The following ILKAP variants were observed in gnomAD, a reference collection of about 807,000 sequenced individuals.
ILKAP encodes the protein ILK associated serine/threonine phosphatase, also known as integrin-linked kinase-associated serine/threonine phosphatase 2C.
Under a neutral mutation model 49.1 loss-of-function variants are expected in ILKAP, and 11 were observed. The observed-to-expected ratio is 0.22, with a 90% CI of 0.14 to 0.37. The LOEUF (loss-of-function observed/expected upper bound fraction) is 0.37, where lower values mean the gene tolerates loss of function less well. ILKAP is among the 10% of genes least tolerant of loss of function. The pLI, the probability that ILKAP is intolerant of heterozygous loss-of-function variation, is 1.00. For synonymous variants in ILKAP, 186 were observed against 192.8 expected, an observed-to-expected ratio of 0.96 and a Z score of 0.29; for missense variants, 363 against 510.8, an observed-to-expected ratio of 0.71 and a Z score of 2.79.
chr2:238,190,038 C>T, intron 3 of ILKAP, 66 bp from the exon 4 acceptor site: 1 of 1,562,630 alleles, frequency 6.4e-7, no homozygotes. Flanking sequence ...CACTAGTAGA[C>T]TGGGCTTCAT....
At chr2:238,194,780 AC>A (rs747306893) in intron 2 of ILKAP, 24 bp downstream of exon 2, 1 of 1,610,672 alleles carries the variant, frequency 6.2e-7, no homozygotes, top group Non-Finnish European at 8.5e-7. Context: ...GTTGACACAC[AC>A]CTGGGAGAGC....
At chr2:238,189,197 A>G (rs967850032) in intron 4 of ILKAP, among the ~76,000 whole-genome samples, 1 of 152,316 alleles carries the variant, frequency 6.6e-6, no homozygotes, top group Non-Finnish European at 1.5e-5. Flanking sequence ...AGGCGTCTGT[A>G]GTCCCAGCTA....
chr2:238,185,321 C>T, intron 5 of ILKAP, 34 bp from the exon 6 acceptor site: 1 of 1,379,564 alleles, frequency 7.2e-7, no homozygotes, highest in Non-Finnish European at 1.0e-6. Context: ...ATCAAATTCT[C>T]ACAGCAAAAA....
At position 238,203,646 on chromosome 2, in the gene ILKAP, C is replaced by G; in HGVS notation, c.-93G>C. On this transcript the variant is annotated 5_prime_UTR_variant, in exon 1 of 12. Transcript: ENST00000254654. The stretch of plus-strand genomic sequence containing the variant: ...ACCCCGGGCGGGCGGCAGCAGCGGG[C>G]GGGCGACGGGCAGGGGCGGCCGGCG... 3 of 734,190 alleles carry G rather than the reference C, an allele frequency of 4.1e-6. No individual in the cohort carries two copies. Among genetic ancestry groups the G allele is most frequent in the African/African-American group, 1.9e-5 (1 of 52,478 alleles). The allele number at this position is 734,190 out of a possible 1,614,324, so 45.5% of individuals were successfully genotyped here.
intron 8 of ILKAP, 142 bp from the exon 9 acceptor site, chr2:238,182,328 G>T (rs574304640): frequency 2.0e-6 from 2 of 989,466 alleles, no homozygotes; most frequent in African/African-American, 1.6e-5. Flanking sequence ...GCTGATAAAC[G>T]TAAGTTCAGA....
At chr2:238,179,456 A>G (rs1270045983) in intron 9 of ILKAP, among the ~76,000 whole-genome samples, 1 of 152,244 alleles carries the variant, frequency 6.6e-6, no homozygotes, top group East Asian at 1.9e-4. Context: ...AATACATGTG[A>G]AAAGAATCAC....
rs890045519 is a variant in ILKAP at position 238,185,393 on chromosome 2, G to A, written c.426-106C>T. On this transcript the variant is annotated intron_variant, in intron 5 of 11. Transcript: ENST00000254654. ...AAAGAGTGAACATTAATAAGTCAGA[G>A]GAAGTCACACTGGTTAAGACACCAG... The A allele has an allele frequency of 7.0e-6, 5 of 710,818 alleles. No individual in the cohort carries two copies. The African/African-American group carries it at 7.1e-5, about 10-fold the overall frequency. 44.0% of individuals were successfully genotyped at this position (710,818 alleles called of 1,614,324 possible).
chr2:238,197,039 T>C (rs1202556395), intron 1 of ILKAP, among the ~76,000 whole-genome samples: 4 of 152,050 alleles, frequency 2.6e-5, no homozygotes, highest in African/African-American at 9.7e-5. Context: ...TCTCCAGAAA[T>C]ACAAAAATTA....
chr2:238,182,328 G>GT (rs972308666), intron 8 of ILKAP, 142 bp from the exon 9 acceptor site: 59 of 989,586 alleles, frequency 6.0e-5, no homozygotes, highest in South Asian at 2.6e-4. Context: ...GCTGATAAAC[G>GT]TAAGTTCAGA....
chr2:238,170,522 CCG>C lies in ILKAP; in HGVS notation c.*12_*13del. 6.3e-7 allele frequency: 1 copy of C among 1,581,148 alleles called. No individual in the cohort carries two copies. The highest frequency in any genetic ancestry group is 1.1e-5 in the South Asian group (1 of 88,624). On this transcript the variant is annotated 3_prime_UTR_variant, in exon 12 of 12. Coordinates refer to ENST00000254654, the MANE Select transcript of ILKAP (RefSeq NM_030768.3). The stretch of plus-strand genomic sequence containing the variant: ...AAGTCAATACCATGCGTGCTCCTGG[CCG>C]CGCGCCACCCCTCAGTGCCCTATCC...
chr2:238,172,332 G>T (rs561156504), intron 10 of ILKAP, among the ~76,000 whole-genome samples: 1 of 152,190 alleles, frequency 6.6e-6, no homozygotes, highest in Non-Finnish European at 1.5e-5. Context: ...GATTACAGGC[G>T]TGAGCCACCA....
In ILKAP at chr2:238,203,655, G is replaced by A. The variant is rs1694675230; in HGVS notation, c.-102C>T. Reference sequence around the variant, plus strand: ...GGGCGGCAGCAGCGGGCGGGCGACGGGCAGGGGCGGCCGGCGCCGTCAGTC... The same window carrying A: ...GGGCGGCAGCAGCGGGCGGGCGACGAGCAGGGGCGGCCGGCGCCGTCAGTC... On this transcript the variant is annotated 5_prime_UTR_variant, in exon 1 of 12. Coordinates refer to ENST00000254654, the MANE Select transcript of ILKAP (RefSeq NM_030768.3). 6.5e-6 allele frequency: 4 copies of A among 614,088 alleles called. No homozygotes were observed. Among genetic ancestry groups the A allele is most frequent in the South Asian group, 7.5e-5 (1 of 13,372 alleles). The allele number at this position is 614,088 out of a possible 1,614,324, so 38.0% of individuals were successfully genotyped here.
At chr2:238,171,086 A>C in intron 10 of ILKAP, 62 bp from the exon 11 acceptor site, 2 of 1,133,582 alleles carry the variant, frequency 1.8e-6, no homozygotes, top group Non-Finnish European at 1.3e-6. Flanking sequence ...AAAAATAAAA[A>C]AAGGGCCTGG....
rs11309913 is a variant in ILKAP, at chr2:238,173,355, T to TC, written c.956+178dup. On this transcript the variant is annotated intron_variant, in intron 10 of 11. Coordinates refer to ENST00000254654, the MANE Select transcript of ILKAP (RefSeq NM_030768.3). Reference sequence around the variant, plus strand: ...GACTGCAGCTGCCCATCCCCATGTGTCCCCCCCTACCACTGTGGACCCCAC... The same window carrying TC: ...GACTGCAGCTGCCCATCCCCATGTGTCCCCCCCCTACCACTGTGGACCCCAC... 6.6e-5 allele frequency among the ~76,000 whole-genome samples: 10 copies of TC among 151,884 alleles called. No individual in the cohort carries two copies. The South Asian group carries it at 1.9e-3, about 28-fold the overall frequency.
intron 9 of ILKAP, among the ~76,000 whole-genome samples, chr2:238,177,748 T>C (rs980721252): frequency 3.9e-5 from 6 of 152,204 alleles, no homozygotes; most frequent in African/African-American, 1.2e-4. Flanking sequence ...TGCTTCCCCC[T>C]TTTCCCCATG....
intron 9 of ILKAP, among the ~76,000 whole-genome samples, chr2:238,180,488 T>C (rs888195142): frequency 6.6e-6 from 1 of 152,226 alleles, no homozygotes; most frequent in African/African-American, 2.4e-5. Flanking sequence ...CATGACACAA[T>C]GTTCACTGCT....
At chr2:238,186,441 T>A (rs1354609563) in intron 5 of ILKAP, 1 of 152,322 alleles carries the variant, frequency 6.6e-6, no homozygotes, top group African/African-American at 2.4e-5. Flanking sequence ...AAGACCAGCC[T>A]GGGCAACATA....
chr2:238,194,207 A>T, intron 3 of ILKAP, 68 bp downstream of exon 3: 1 of 1,370,854 alleles, frequency 7.3e-7, no homozygotes, highest in South Asian at 1.2e-5. Context: ...CCTATACATA[A>T]ATTTCACATA....
intron 5 of ILKAP, among the ~76,000 whole-genome samples, chr2:238,187,813 C>T (rs551082915): frequency 6.6e-6 from 1 of 152,266 alleles, no homozygotes; most frequent in East Asian, 1.9e-4. Context: ...TGCTCAACCG[C>T]GACACTACTG....
Sources: allele counts gnomAD v4.1 joint callset (sites outside exome capture counted in the v4.1 genomes callset), GRCh38; gene constraint gnomAD v4.1.1; transcripts MANE v1.5; gene names NCBI Gene and HGNC (gene_info 2026-07-23, HGNC 2026-07-21).